Variants in PDE8B observed in about 807,000 individuals in gnomAD.
PDE8B encodes the protein phosphodiesterase 8B, also known as high affinity cAMP-specific and IBMX-insensitive 3',5'-cyclic phosphodiesterase 8B.
Under a neutral mutation model 101.3 loss-of-function variants are expected in PDE8B, and 26 were observed. That is an observed-to-expected ratio of 0.26 (90% CI 0.19 to 0.36). The LOEUF (loss-of-function observed/expected upper bound fraction) is 0.36. PDE8B is among the 10% of genes least tolerant of loss of function. The pLI is 1.00. For synonymous variants in PDE8B, 424 were observed against 429.3 expected (o/e 0.99, Z 0.15); for missense variants, 810 against 1,163.1 (o/e 0.70, Z 4.42).
intron 1 of PDE8B, among the ~76,000 whole-genome samples, chr5:77,224,028 G>A (rs1244069884): frequency 6.6e-6 from 1 of 152,154 alleles, no homozygotes; most frequent in East Asian, 1.9e-4. Context: ...CACTACAGCG[G>A]TATCTCTTCT....
At chr5:77,194,163 T>C in the PDE8B span, among the ~76,000 whole-genome samples, 8 of 152,214 alleles carry the variant, frequency 5.3e-5, no homozygotes, top group Non-Finnish European at 1.2e-4. Flanking sequence ...GCCCCCAGTG[T>C]AGCTTTGGTG....
At chr5:77,295,621 A>G (rs1281279464) in intron 1 of PDE8B, among the ~76,000 whole-genome samples, 1 of 152,208 alleles carries the variant, frequency 6.6e-6, no homozygotes, top group Admixed American at 6.5e-5. Flanking sequence ...CAAAGGATAC[A>G]TATCATCAGA....
At chr5:77,420,506 G>A (rs1476914379) in intron 19 of PDE8B, among the ~76,000 whole-genome samples, 1 of 152,024 alleles carries the variant, frequency 6.6e-6, no homozygotes, top group African/African-American at 2.4e-5. Context: ...CCCCATAAAG[G>A]TAGAAAAGCT....
intron 1 of PDE8B, among the ~76,000 whole-genome samples, chr5:77,248,985 C>G (rs549624446): frequency 1.3e-5 from 2 of 152,330 alleles, no homozygotes. Context: ...AGACCTTGAC[C>G]TTGGACTTGC....
At chr5:77,087,495 C>A in the PDE8B span, 1 of 152,326 alleles carries the variant, frequency 6.6e-6, no homozygotes, top group South Asian at 2.1e-4. Context: ...AGGCTGTAGG[C>A]GCATGATGTC....
intron 1 of PDE8B, among the ~76,000 whole-genome samples, chr5:77,212,765 G>A (rs1247022508): frequency 6.6e-6 from 1 of 152,060 alleles, no homozygotes; most frequent in Non-Finnish European, 1.5e-5. Flanking sequence ...CCCCCTCCCT[G>A]TTCACACAAA....
At chr5:77,179,525 G>A in the PDE8B span, among the ~76,000 whole-genome samples, 1 of 152,312 alleles carries the variant, frequency 6.6e-6, no homozygotes, top group East Asian at 1.9e-4. Flanking sequence ...CATTTAATTA[G>A]GTACAATGTA....
chr5:77,424,468 T>C (rs1797471604), intron 20 of PDE8B, among the ~76,000 whole-genome samples: 1 of 152,224 alleles, frequency 6.6e-6, no homozygotes. Context: ...CAATGAATGA[T>C]GATGGCCTTA....
the PDE8B span, among the ~76,000 whole-genome samples, chr5:77,149,909 A>C: frequency 6.6e-6 from 1 of 152,212 alleles, no homozygotes; most frequent in African/African-American, 2.4e-5. Flanking sequence ...TTTATTACTG[A>C]CCATCACAGT....
the PDE8B span, among the ~76,000 whole-genome samples, chr5:77,098,293 TA>T: frequency 0.043 from 6,217 of 145,072 alleles, 488 homozygotes; most frequent in African/African-American, 0.15. Context: ...TTTTTTTTTT[TA>T]AAAAAAAAAA....
chr5:77,107,901 G>A, the PDE8B span, among the ~76,000 whole-genome samples: 1 of 152,066 alleles, frequency 6.6e-6, no homozygotes, highest in Non-Finnish European at 1.5e-5. Context: ...AGAATTCCCA[G>A]TTATACAGGG....
intron 1 of PDE8B, among the ~76,000 whole-genome samples, chr5:77,260,157 C>CAAAAAAAAAAA (rs66923234): frequency 9.9e-6 from 1 of 100,960 alleles, no homozygotes; most frequent in Admixed American, 1.1e-4. Flanking sequence ...AACTCCATCA[C>CAAAAAAAAAAA]AAAAAAAAAA....
chr5:77,160,559 T>C, the PDE8B span, among the ~76,000 whole-genome samples: 3 of 152,212 alleles, frequency 2.0e-5, no homozygotes, highest in Non-Finnish European at 4.4e-5. Context: ...GTCTTTTTCA[T>C]ATTTATTGTC....
Position 77,411,657 on chromosome 5 carries a change from G to C in PDE8B, c.1531-19G>C. ...ATAGATATAAAGCATGCTTCTAACA[G>C]GCTCTTCCTTTATTCCAGGACGGCT... On this transcript the variant is annotated intron_variant, in intron 14 of 21. Transcript: ENST00000264917. 1 of 1,597,216 alleles carries C rather than the reference G, an allele frequency of 6.3e-7. No individual in the cohort carries two copies. Among genetic ancestry groups the C allele is most frequent in the Non-Finnish European group, 8.6e-7 (1 of 1,164,762 alleles).
chr5:77,223,058 A>C (rs1751526166), intron 1 of PDE8B, among the ~76,000 whole-genome samples: 3 of 152,226 alleles, frequency 2.0e-5, no homozygotes, highest in Admixed American at 1.3e-4. Flanking sequence ...AATGTGACCC[A>C]GATGTAACCT....
At chr5:77,138,808 T>C in the PDE8B span, among the ~76,000 whole-genome samples, 1 of 152,234 alleles carries the variant, frequency 6.6e-6, no homozygotes, top group Non-Finnish European at 1.5e-5. Context: ...ATAAGTCTTG[T>C]TGATTCTTTT....
chr5:77,276,163 T>A (rs1057298449), intron 1 of PDE8B, among the ~76,000 whole-genome samples: 5 of 152,240 alleles, frequency 3.3e-5, no homozygotes, highest in Non-Finnish European at 5.9e-5. Context: ...TGTGCATTAT[T>A]GTACTCAGCA....
At chr5:77,130,078 A>G in the PDE8B span, among the ~76,000 whole-genome samples, 1 of 152,152 alleles carries the variant, frequency 6.6e-6, no homozygotes, top group Non-Finnish European at 1.5e-5. Flanking sequence ...ATCAGAACCT[A>G]TATAGACCTC....
At chr5:77,247,980 A>C (rs35309506) in intron 1 of PDE8B, among the ~76,000 whole-genome samples, 16,575 of 152,262 alleles carry the variant, frequency 0.11, 1,208 homozygotes, top group Admixed American at 0.19. Context: ...AAAAGCCCAC[A>C]GCACTTCACC....
Sources: allele counts gnomAD v4.1 joint callset (sites outside exome capture counted in the v4.1 genomes callset), GRCh38; gene constraint gnomAD v4.1.1; transcripts MANE v1.5; gene names NCBI Gene and HGNC (gene_info 2026-07-23, HGNC 2026-07-21).